ZFAT: variants seen among roughly 807,000 people sequenced by gnomAD.
ZFAT encodes the protein zinc finger and AT-hook domain containing.
ZFAT carries 64 observed loss-of-function variants against 117.7 expected under a neutral mutation model. That is an observed-to-expected ratio of 0.54 (90% CI 0.44 to 0.67). The LOEUF (loss-of-function observed/expected upper bound fraction) is 0.67. Ranked by LOEUF, ZFAT falls within the 30% of genes least tolerant of loss-of-function variation. The pLI is 0.00. For missense variants in ZFAT, 1,433 were observed against 1,584.5 expected (o/e 0.90, Z 1.62); for synonymous variants, 679 against 615.0 (o/e 1.10, Z -1.54).
chr8:134,673,418 C>T (rs961710958), intron 1 of ZFAT: 1 of 185,642 alleles, frequency 5.4e-6, no homozygotes, highest in Non-Finnish European at 1.2e-5. Flanking sequence ...AAGAAGTAAA[C>T]CATTCCAATG....
chr8:134,725,639 A>G, the ZFAT span, among the ~76,000 whole-genome samples: 1 of 152,074 alleles, frequency 6.6e-6, no homozygotes, highest in African/African-American at 2.4e-5. Context: ...TGGCGATTAC[A>G]ATTCAACGTG....
intron 10 of ZFAT, among the ~76,000 whole-genome samples, chr8:134,583,619 C>T (rs1465948900): frequency 6.7e-6 from 1 of 149,408 alleles, no homozygotes; most frequent in Non-Finnish European, 1.5e-5. Context: ...ACCGACACAC[C>T]CAGTAAGTGT....
the ZFAT span, among the ~76,000 whole-genome samples, chr8:134,774,488 G>A: frequency 4.6e-5 from 7 of 152,104 alleles, no homozygotes; most frequent in Admixed American, 2.6e-4. Context: ...CAACATCAAG[G>A]CAAGACACCA....
At chr8:134,563,875 C>T (rs1056078211) in intron 11 of ZFAT, among the ~76,000 whole-genome samples, 5 of 152,154 alleles carry the variant, frequency 3.3e-5, no homozygotes, top group African/African-American at 1.2e-4. Context: ...TGTGAGCCAG[C>T]CAGCTGCAGG....
intron 1 of ZFAT, among the ~76,000 whole-genome samples, chr8:134,678,133 G>A (rs371551651): frequency 6.6e-5 from 10 of 152,078 alleles, no homozygotes; most frequent in South Asian, 2.1e-4. Flanking sequence ...AAGGGTATTC[G>A]ATTAGGAAAA....
the ZFAT span, among the ~76,000 whole-genome samples, chr8:134,739,012 G>A: frequency 2.0e-5 from 3 of 152,164 alleles, no homozygotes; most frequent in African/African-American, 7.2e-5. Flanking sequence ...AGGAGATACA[G>A]GATGGCATAG....
chr8:134,651,094 G>A (rs146850896), intron 2 of ZFAT, among the ~76,000 whole-genome samples: 1,719 of 152,264 alleles, frequency 0.011, 33 homozygotes, highest in African/African-American at 0.039. Flanking sequence ...GTTTTTAAAT[G>A]GTGCACCTCC....
intron 1 of ZFAT, among the ~76,000 whole-genome samples, chr8:134,696,206 C>T (rs1390298531): frequency 5.3e-5 from 8 of 152,138 alleles, no homozygotes; most frequent in East Asian, 1.9e-4. Context: ...GAGGTGCCAC[C>T]GCCAGGCGCG....
chr8:134,518,177 A>C (rs1820384837), intron 13 of ZFAT, among the ~76,000 whole-genome samples: 1 of 152,072 alleles, frequency 6.6e-6, no homozygotes, highest in African/African-American at 2.4e-5. Context: ...TACATTTATT[A>C]ATCATTATTT....
chr8:134,502,976 A>T (rs1352873198), intron 15 of ZFAT, among the ~76,000 whole-genome samples: 2 of 152,210 alleles, frequency 1.3e-5, no homozygotes, highest in Admixed American at 6.5e-5. Flanking sequence ...ACTGGCAGGC[A>T]GTGTGTGTGA....
chr8:134,824,930 T>C, the ZFAT span, among the ~76,000 whole-genome samples: 1 of 152,250 alleles, frequency 6.6e-6, no homozygotes, highest in African/African-American at 2.4e-5. Context: ...CTGTAAGGCA[T>C]AGAATGTAAC....
At chr8:134,644,367 C>A (rs1830752713) in intron 2 of ZFAT, among the ~76,000 whole-genome samples, 1 of 152,166 alleles carries the variant, frequency 6.6e-6, no homozygotes, top group Non-Finnish European at 1.5e-5. Context: ...TCGGGAGACC[C>A]ATGTACATTC....
chr8:134,493,934 G>A (rs1818240387), intron 15 of ZFAT, among the ~76,000 whole-genome samples: 1 of 152,236 alleles, frequency 6.6e-6, no homozygotes, highest in African/African-American at 2.4e-5. Flanking sequence ...GTTCAGAGCA[G>A]ATTCACTAAG....
chr8:134,612,211 T>C (rs1285768951), intron 3 of ZFAT, among the ~76,000 whole-genome samples: 1 of 152,190 alleles, frequency 6.6e-6, no homozygotes, highest in Non-Finnish European at 1.5e-5. Context: ...TTCTCAGCCA[T>C]GAGTGTGGAA....
chr8:134,687,974 T>A (rs1833409319), intron 1 of ZFAT, among the ~76,000 whole-genome samples: 1 of 152,172 alleles, frequency 6.6e-6, no homozygotes, highest in South Asian at 2.1e-4. Context: ...AAGCCCTGGT[T>A]CAAACCCCAT....
At chr8:134,511,793 T>A (rs1367939282) in intron 14 of ZFAT, among the ~76,000 whole-genome samples, 3 of 152,248 alleles carry the variant, frequency 2.0e-5, no homozygotes, top group East Asian at 1.9e-4. Flanking sequence ...TTGTTTTTTT[T>A]AGAACTGATT....
chr8:134,783,239 C>G, the ZFAT span, among the ~76,000 whole-genome samples: 1 of 152,060 alleles, frequency 6.6e-6, no homozygotes, highest in African/African-American at 2.4e-5. Flanking sequence ...TTCCGTAAGT[C>G]AAGGGTCCCC....
chr8:134,676,255 C>CAAAA (rs146638821), intron 1 of ZFAT, among the ~76,000 whole-genome samples: 8 of 80,586 alleles, frequency 9.9e-5, no homozygotes, highest in South Asian at 4.8e-4. Context: ...AAATGGAAAG[C>CAAAA]AAAAAAAAAA....
the ZFAT span, among the ~76,000 whole-genome samples, chr8:134,729,387 A>G: frequency 6.6e-6 from 1 of 152,240 alleles, no homozygotes; most frequent in Admixed American, 6.5e-5. Context: ...GCTGGAGTGC[A>G]GTGGCGTGAT....
Sources: gnomAD v4.1 joint callset for allele counts (sites outside exome capture counted in the v4.1 genomes callset) on GRCh38, gnomAD v4.1.1 for gene constraint, MANE v1.5 for transcripts, NCBI Gene and HGNC (gene_info 2026-07-23, HGNC 2026-07-21) for gene names.